SETX: variants seen among roughly 807,000 people sequenced by gnomAD.
The protein encoded by SETX is helicase senataxin.
Under a neutral mutation model 227.2 loss-of-function variants are expected in SETX, and 90 were observed. That is an observed-to-expected ratio of 0.40 (90% confidence interval 0.33 to 0.47). SETX has a LOEUF of 0.47. Among genes scored for constraint, SETX ranks in the 20% least tolerant of loss-of-function variants. The pLI is 0.91. For synonymous variants in SETX, 1,210 were observed against 1,113.2 expected (o/e 1.09, Z -1.73); for missense variants, 3,052 against 3,181.5 (o/e 0.96, Z 0.98).
intron 3 of SETX, among the ~76,000 whole-genome samples, chr9:132,348,274 G>A (rs1486657143): frequency 6.8e-6 from 1 of 147,978 alleles, no homozygotes; most frequent in East Asian, 2.0e-4. Flanking sequence ...CAGGAGAATC[G>A]CTTGAACCCA....
At chr9:132,333,497 T>C (rs955978224) in intron 7 of SETX, among the ~76,000 whole-genome samples, 10 of 149,318 alleles carry the variant, frequency 6.7e-5, no homozygotes, top group African/African-American at 2.5e-4. Flanking sequence ...ATATTTATAT[T>C]AGAATCTCCC....
chr9:132,347,110 C>T (rs1000821647), intron 3 of SETX, among the ~76,000 whole-genome samples: 5 of 151,290 alleles, frequency 3.3e-5, no homozygotes, highest in African/African-American at 4.9e-5. Context: ...CAAAAATAGC[C>T]AGGCGTAGTG....
intron 25 of SETX, among the ~76,000 whole-genome samples, chr9:132,268,531 G>A (rs1230423406): frequency 2.6e-5 from 4 of 152,168 alleles, no homozygotes; most frequent in African/African-American, 9.7e-5. Flanking sequence ...TGAGAGAGGT[G>A]TAGATCAGTG....
At chr9:132,300,587 A>G (rs1380610532) in intron 12 of SETX, 43 bp downstream of exon 12, 2 of 1,584,124 alleles carry the variant, frequency 1.3e-6, no homozygotes, top group Admixed American at 3.3e-5. Context: ...ATTAGATGAG[A>G]CTGTATCTGA....
At chr9:132,310,814 G>C (rs754126314) in intron 11 of SETX, among the ~76,000 whole-genome samples, 1 of 152,192 alleles carries the variant, frequency 6.6e-6, no homozygotes, top group Non-Finnish European at 1.5e-5. Context: ...TCTACTGAGT[G>C]TGACGATGAT....
chr9:132,304,440 AT>A (rs1845203193), intron 11 of SETX, among the ~76,000 whole-genome samples: 1 of 152,080 alleles, frequency 6.6e-6, no homozygotes, highest in Non-Finnish European at 1.5e-5. Flanking sequence ...TGAACTTGTA[AT>A]TGTGTAAACC....
At chr9:132,308,481 A>T (rs1245376967) in intron 11 of SETX, among the ~76,000 whole-genome samples, 1 of 152,234 alleles carries the variant, frequency 6.6e-6, no homozygotes, top group Non-Finnish European at 1.5e-5. Flanking sequence ...AGACCTATCA[A>T]CCAATGCCAT....
chr9:132,321,654 C>CAAA (rs57108934), intron 10 of SETX, among the ~76,000 whole-genome samples: 7 of 51,364 alleles, frequency 1.4e-4, no homozygotes, highest in African/African-American at 4.8e-4. Context: ...GATACTGTCT[C>CAAA]AAAAAAAAAA....
At chr9:132,321,408 G>A (rs1216560198) in intron 10 of SETX, among the ~76,000 whole-genome samples, 1 of 152,090 alleles carries the variant, frequency 6.6e-6, no homozygotes, top group African/African-American at 2.4e-5. Flanking sequence ...TGTAATCCCA[G>A]CACTTTGGAA....
intron 19 of SETX, chr9:132,283,017 C>G: frequency 1.9e-6 from 1 of 525,702 alleles, no homozygotes; most frequent in East Asian, 3.5e-5. Flanking sequence ...GACAGTCACT[C>G]AGCAGAGATT....
At chr9:132,324,958 A>T (rs1846614354) in intron 10 of SETX, among the ~76,000 whole-genome samples, 1 of 152,166 alleles carries the variant, frequency 6.6e-6, no homozygotes, top group African/African-American at 2.4e-5. Flanking sequence ...TTTTAACGGG[A>T]ATCTTATCGT....
intron 6 of SETX, among the ~76,000 whole-genome samples, chr9:132,335,687 C>G (rs1387970443): frequency 6.6e-6 from 1 of 152,050 alleles, no homozygotes; most frequent in African/African-American, 2.4e-5. Flanking sequence ...TATTAACAAT[C>G]AAATCCTATT....
At chr9:132,280,401 T>A (rs1427351564) in intron 20 of SETX, among the ~76,000 whole-genome samples, 1 of 152,188 alleles carries the variant, frequency 6.6e-6, no homozygotes, top group East Asian at 1.9e-4. Context: ...AAATCCTGCA[T>A]CATTTAAAGA....
Position 132,326,476 on chromosome 9 carries a change from AT to A in SETX, c.5121del (p.Lys1707AsnfsTer8), listed in dbSNP as rs1846769541. The A allele has an allele frequency of 1.2e-6, 2 of 1,614,082 alleles. No individual in the cohort carries two copies. Among genetic ancestry groups the A allele is most frequent in the Non-Finnish European group, 8.5e-7 (1 of 1,180,042 alleles). ...AAGTTCAAAAACATTTCATATTTCC[AT>A]TTTAAGACCTCTTTAACGAAGGTGT... ...VSDTFVKEVL[K>X]WKYEMFLNFG... On this transcript the variant is annotated frameshift_variant, in exon 10 of 26. Transcript: ENST00000224140. LOFTEE classifies it high-confidence loss of function.
chr9:132,280,822 T>C (rs201233201), intron 20 of SETX, among the ~76,000 whole-genome samples: 21 of 152,292 alleles, frequency 1.4e-4, no homozygotes, highest in African/African-American at 5.1e-4. Flanking sequence ...TCCAGGAGAA[T>C]CTTTCATGAG....
intron 2 of SETX, among the ~76,000 whole-genome samples, chr9:132,352,884 G>C (rs913823313): frequency 1.3e-5 from 2 of 152,048 alleles, no homozygotes; most frequent in Admixed American, 6.5e-5. Context: ...AGTAACCTAG[G>C]AATTATCCTA....
rs116456452 is a variant in SETX, at chr9:132,266,903, C to G, written c.7288-1918G>C. Among the ~76,000 whole-genome samples the G allele has an allele frequency of 4.7e-3, 716 of 152,320 alleles. 4 individuals are homozygous for G. Among genetic ancestry groups the G allele is most frequent in the African/African-American group, 0.016 (685 of 41,564 alleles). ...ATTGCACTTGGGATGAATGACAACACTGATGACTATGGATTGGGAAGTGAT... is the reference window on the plus strand; with the variant it reads ...ATTGCACTTGGGATGAATGACAACAGTGATGACTATGGATTGGGAAGTGAT... On this transcript the variant is annotated intron_variant, in intron 25 of 25. Coordinates refer to ENST00000224140, the MANE Select transcript of SETX (RefSeq NM_015046.7).
intron 1 of SETX, among the ~76,000 whole-genome samples, chr9:132,354,281 G>A (rs957035839): frequency 7.9e-5 from 12 of 152,088 alleles, no homozygotes; most frequent in Non-Finnish European, 1.5e-4. Flanking sequence ...GAGGATCCCT[G>A]GAGCAGCTGA....
At chr9:132,286,547 G>T in intron 17 of SETX, 53 bp from the exon 18 acceptor site, 1 of 1,207,056 alleles carries the variant, frequency 8.3e-7, no homozygotes, top group Non-Finnish European at 1.2e-6. Context: ...ATTTTTAAAT[G>T]CCTTCCAATG....
Sources: allele counts gnomAD v4.1 joint callset (sites outside exome capture counted in the v4.1 genomes callset), GRCh38; gene constraint gnomAD v4.1.1; transcripts MANE v1.5; gene names NCBI Gene and HGNC (gene_info 2026-07-23, HGNC 2026-07-21).